Variants in OXNAD1 observed in about 807,000 individuals in gnomAD.
OXNAD1 encodes the protein oxidoreductase NAD-binding domain-containing protein 1.
OXNAD1 carries 34 observed loss-of-function variants against 32.9 expected under a neutral mutation model. The ratio of observed to expected loss-of-function variants is 1.03; its 90% CI spans 0.79 to 1.38. The LOEUF (loss-of-function observed/expected upper bound fraction) is 1.38, where lower values mean the gene tolerates loss of function less well. Ranked by LOEUF, OXNAD1 falls within the 40% of genes most tolerant of loss-of-function variation. The probability of loss-of-function intolerance (pLI) is 0.00; values close to 1 mark genes in which losing one functional copy is unlikely to be tolerated. For missense variants in OXNAD1, 407 were observed against 379.4 expected (o/e 1.07, Z -0.60); for synonymous variants, 134 against 135.2 (o/e 0.99, Z 0.06).
In OXNAD1 at chr3:16,265,281, GCTT is replaced by G. The variant is rs2064409781; in HGVS notation, c.-379_-377del. 2 of 212,490 alleles carry G rather than the reference GCTT, an allele frequency of 9.4e-6. No individual in the cohort carries two copies. Among genetic ancestry groups the G allele is most frequent in the South Asian group, 6.9e-5 (1 of 14,390 alleles). The allele number at this position is 212,490 out of a possible 1,614,324, so 13.2% of individuals were successfully genotyped here. A position where few individuals can be genotyped will look rare whatever the true frequency, so the allele number is the denominator to read the frequency against. On this transcript the variant is annotated 5_prime_UTR_variant, in exon 1 of 9. Coordinates refer to ENST00000285083, the MANE Select transcript of OXNAD1 (RefSeq NM_138381.5). This position sits in a 1 kb window ranked among gnomAD's most constrained non-coding sequence, Gnocchi z 4.8. ...AGGTGCCAGCGGGGAAAGTTTCCCTGCTTCTTATCGTCTGCTTTAACGCCTTAA... is the reference window on the plus strand; with the variant it reads ...AGGTGCCAGCGGGGAAAGTTTCCCTGCTTATCGTCTGCTTTAACGCCTTAA...
rs1225486710 is a variant in OXNAD1 at position 16,344,522 on chromosome 3, A to G, written c.*31-4654A>G. On this transcript the variant is annotated intron_variant, in intron 9 of 9. Coordinates refer to the OXNAD1 transcript ENST00000606098. The surrounding 1 kb of genome is among the most constrained non-coding windows in gnomAD (Gnocchi z 4.4). ...CCCCCTCGCCCAACTAGAATGCTTT[A>G]TGTGGAGCCCAAGAGCATCCATGTT... Among the ~76,000 whole-genome samples, 2 of 152,190 alleles carry G rather than the reference A, an allele frequency of 1.3e-5. No homozygotes were observed. The highest frequency in any genetic ancestry group is 4.2e-4 in the South Asian group (2 of 4,812).
intron 1 of OXNAD1, 23 bp from the exon 2 acceptor site, chr3:16,269,103 A>C: frequency 6.9e-7 from 1 of 1,450,618 alleles, no homozygotes; most frequent in Admixed American, 2.7e-5. Context: ...AAACATTGTT[A>C]TATGTTGTTT....
rs1338703395 is a variant in OXNAD1, at chr3:16,334,207, G to A, written c.*31-2905G>A. On this transcript the variant is annotated intron_variant, in intron 9 of 9. Coordinates refer to the OXNAD1 transcript ENST00000435829. This position sits in a 1 kb window ranked among gnomAD's most constrained non-coding sequence, Gnocchi z 4.3. Reference sequence around the variant, plus strand: ...AAAAAACAACAACAAAAAATACCCTGAGATACTATTTTTTCACCTATTGAA... The same window carrying A: ...AAAAAACAACAACAAAAAATACCCTAAGATACTATTTTTTCACCTATTGAA... Among the ~76,000 whole-genome samples the A allele has an allele frequency of 6.6e-6, 1 of 152,084 alleles. No homozygotes were observed. Among genetic ancestry groups the A allele is most frequent in the Non-Finnish European group, 1.5e-5 (1 of 67,988 alleles).
downstream of OXNAD1, among the ~76,000 whole-genome samples, chr3:16,338,193 G>C (rs998833770): frequency 3.3e-5 from 5 of 152,242 alleles, no homozygotes; most frequent in African/African-American, 1.2e-4. This position sits in a 1 kb window ranked among gnomAD's most constrained non-coding sequence, Gnocchi z 5.3. Flanking sequence ...GGGGCTACGG[G>C]ATGGAAGGGC....
chr3:16,350,003 G>C (rs967562452), exon 10 of OXNAD1: 1 of 152,014 alleles, frequency 6.6e-6, no homozygotes, highest in Non-Finnish European at 1.5e-5. Flanking sequence ...GAAGGGTAAT[G>C]TGCTTTACTC....
intron 9 of OXNAD1, among the ~76,000 whole-genome samples, chr3:16,324,022 A>T (rs575024619): frequency 6.6e-6 from 1 of 152,180 alleles, no homozygotes; most frequent in Non-Finnish European, 1.5e-5. Context: ...CGTATCTTAC[A>T]ATACAGTGAA....
chr3:16,335,018 C>T lies in OXNAD1; in HGVS notation c.*31-2094C>T, dbSNP rs2070712116. 1.3e-5 allele frequency among the ~76,000 whole-genome samples: 2 copies of T among 152,198 alleles called. No homozygotes were observed. Among genetic ancestry groups the T allele is most frequent in the African/African-American group, 4.8e-5 (2 of 41,448 alleles). On this transcript the variant is annotated intron_variant, in intron 9 of 9. Coordinates refer to the OXNAD1 transcript ENST00000435829. The surrounding 1 kb of genome is among the most constrained non-coding windows in gnomAD (Gnocchi z 4.7). ...GCAATGGTCGGTAACAGATTGTCTCCTAAAAGTCTCCACAAAGAATGTGGT... is the reference window on the plus strand; with the variant it reads ...GCAATGGTCGGTAACAGATTGTCTCTTAAAAGTCTCCACAAAGAATGTGGT...
intron 5 of OXNAD1, among the ~76,000 whole-genome samples, chr3:16,286,660 C>G (rs2066093717): frequency 6.6e-6 from 1 of 152,212 alleles, no homozygotes. Context: ...GTGGCTCCCT[C>G]AGTCGTATAT....
Position 16,277,129 on chromosome 3 carries a change from G to C in OXNAD1, c.183+5407G>C, listed in dbSNP as rs1485156551. 1.3e-5 allele frequency among the ~76,000 whole-genome samples: 2 copies of C among 151,902 alleles called. No individual in the cohort carries two copies. The highest frequency in any genetic ancestry group is 2.4e-5 in the African/African-American group (1 of 41,344). ...TTTTTAGTAGAGACGGGGTTTCACTGTGTTGGCCAGGCTTGTCTTGAACTC... is the reference window on the plus strand; with the variant it reads ...TTTTTAGTAGAGACGGGGTTTCACTCTGTTGGCCAGGCTTGTCTTGAACTC... On this transcript the variant is annotated intron_variant, in intron 4 of 8. Coordinates refer to ENST00000285083, the MANE Select transcript of OXNAD1 (RefSeq NM_138381.5). The surrounding 1 kb of genome is among the most constrained non-coding windows in gnomAD (Gnocchi z 4.3).
At chr3:16,296,726 A>G (rs2066824461) in intron 6 of OXNAD1, among the ~76,000 whole-genome samples, 2 of 152,208 alleles carry the variant, frequency 1.3e-5, no homozygotes, top group African/African-American at 2.4e-5. Context: ...TTGAAAGGCA[A>G]AAGGATAAAC....
rs529804935 is a variant in OXNAD1 at position 16,322,692 on chromosome 3, C to T, written c.*31-14420C>T. Among the ~76,000 whole-genome samples, 6 of 152,312 alleles carry T rather than the reference C, an allele frequency of 3.9e-5. 1 individual carries two copies. In the South Asian group the frequency reaches 8.3e-4, roughly 21 times the overall value. On this transcript the variant is annotated intron_variant, in intron 9 of 9. Coordinates refer to the OXNAD1 transcript ENST00000435829. The surrounding 1 kb of genome is among the most constrained non-coding windows in gnomAD (Gnocchi z 6.2). ...ACAAGGGTTGCCGACACTTGCACCT[C>T]GTACAGCCCTTGTGCTCAACCTTCA...
At chr3:16,318,102 G>A (rs988450823) in intron 9 of OXNAD1, among the ~76,000 whole-genome samples, 4 of 152,116 alleles carry the variant, frequency 2.6e-5, no homozygotes, top group African/African-American at 4.8e-5. Context: ...AAGGTCACGC[G>A]GCCAGTAATA....
intron 1 of OXNAD1, among the ~76,000 whole-genome samples, chr3:16,268,039 T>C (rs2064658631): frequency 6.6e-6 from 1 of 152,204 alleles, no homozygotes; most frequent in South Asian, 2.1e-4. Flanking sequence ...ATACAGACAT[T>C]GATGGGATGG....
rs1473893080 is a variant in OXNAD1 at position 16,280,651 on chromosome 3, TA to T, written c.184-5689del. ...CTAGTCATGGCTTTGCCTAAATTTT[TA>T]AGCCAGAAAATGAATGAACAGGAGT... is the stretch of plus-strand genomic sequence containing the variant. On this transcript the variant is annotated intron_variant, in intron 4 of 8. Coordinates refer to ENST00000285083, the MANE Select transcript of OXNAD1 (RefSeq NM_138381.5). This position sits in a 1 kb window ranked among gnomAD's most constrained non-coding sequence, Gnocchi z 4.5. Among the ~76,000 whole-genome samples, 1 of 152,212 alleles carries T rather than the reference TA, an allele frequency of 6.6e-6. No individual in the cohort carries two copies. The highest frequency in any genetic ancestry group is 1.5e-5 in the Non-Finnish European group (1 of 68,040).
intron 9 of OXNAD1, among the ~76,000 whole-genome samples, chr3:16,332,284 A>C (rs531715811): frequency 1.3e-5 from 2 of 151,474 alleles, no homozygotes; most frequent in East Asian, 3.9e-4. Context: ...ACCTTCCCCC[A>C]CAGTTTTCTT....
intron 9 of OXNAD1, among the ~76,000 whole-genome samples, chr3:16,324,973 C>G (rs2069551873): frequency 6.6e-6 from 1 of 151,876 alleles, no homozygotes; most frequent in Non-Finnish European, 1.5e-5. Context: ...TCTCTATACC[C>G]TTGTCTTTTT....
At chr3:16,286,586 C>G (rs2066088719) in intron 5 of OXNAD1, 138 bp downstream of exon 5, 1 of 712,892 alleles carries the variant, frequency 1.4e-6, no homozygotes, top group African/African-American at 1.8e-5. Context: ...TCAGGGTGAG[C>G]CTTTGTTGGC....
At position 16,294,883 on chromosome 3, in the gene OXNAD1, T is replaced by C. The variant is rs563251278; in HGVS notation, c.318T>C (p.Ser106=). 3 of 1,613,420 alleles carry C rather than the reference T, an allele frequency of 1.9e-6. No homozygotes were observed. In the East Asian group the frequency reaches 6.7e-5, roughly 36 times the overall value. ...TTGATTTCTTTATTCCAGGAGTCTC[T>C]GTGGTTGGTGGGTTTTCAATATGCT... The part of the protein sequence containing the change: ...QWVDFFIPGV[S]VVGGFSICSS... The change falls in exon 6 of 9, where the codon TCT becomes TCC. Residue 106 remains serine (S), a synonymous_variant. Transcript: ENST00000285083.
chr3:16,323,140 TC>T (rs1423065047), intron 9 of OXNAD1, among the ~76,000 whole-genome samples: 1 of 152,140 alleles, frequency 6.6e-6, no homozygotes, highest in Non-Finnish European at 1.5e-5. Flanking sequence ...AGAGCCTCTC[TC>T]CTCCATCCTT....
Sources: gnomAD v4.1 joint callset for allele counts (sites outside exome capture counted in the v4.1 genomes callset) on GRCh38, gnomAD v4.1.1 for gene constraint, Gnocchi (gnomAD v3.1) non-coding constraint, MANE v1.5 for transcripts, NCBI Gene and HGNC (gene_info 2026-07-23, HGNC 2026-07-21) for gene names.